Variants in SFI1 observed in about 807,000 individuals in gnomAD.
SFI1 encodes the protein SFI1 centrin binding protein.
In SFI1, 195 loss-of-function variants were observed where a neutral mutation model predicts 207.5. The ratio of observed to expected loss-of-function variants is 0.94; its 90% CI spans 0.84 to 1.06. The LOEUF (loss-of-function observed/expected upper bound fraction) is 1.06. Ranked by LOEUF, SFI1 falls within the 50% of genes least tolerant of loss-of-function variation. The pLI, the probability that SFI1 is intolerant of heterozygous loss-of-function variation, is 0.00. For missense variants in SFI1, 1,634 were observed against 1,588.0 expected, an observed-to-expected ratio of 1.03 and a Z score of -0.49; for synonymous variants, 630 against 598.9, an observed-to-expected ratio of 1.05 and a Z score of -0.76.
chr22:31,617,366 A>G lies in SFI1; in HGVS notation c.3512+288A>G, dbSNP rs368128527. 1.2e-4 allele frequency among the ~76,000 whole-genome samples: 18 copies of G among 151,950 alleles called. No homozygotes were observed. The East Asian group carries it at 2.1e-3, about 18-fold the overall frequency. On this transcript the variant is annotated intron_variant, in intron 31 of 32. Coordinates refer to ENST00000400288, the MANE Select transcript of SFI1 (RefSeq NM_001007467.3). ...GGGGGGGACGATAAAGTTGAGCAAA[A>G]CTCTAAAAACCCGATGAGGCCATGC... is the stretch of plus-strand genomic sequence containing the variant.
At chr22:31,567,373 C>T (rs146305904) in intron 8 of SFI1, among the ~76,000 whole-genome samples, 62 of 152,244 alleles carry the variant, frequency 4.1e-4, no homozygotes, top group African/African-American at 1.3e-3. Flanking sequence ...GGAGCCAGAA[C>T]GCAGGGCCTG....
At chr22:31,593,100 C>T (rs2066366980) in intron 15 of SFI1, among the ~76,000 whole-genome samples, 2 of 147,586 alleles carry the variant, frequency 1.4e-5, no homozygotes, top group Admixed American at 6.6e-5. Flanking sequence ...CCCCACCTCC[C>T]TCCCGGATGG....
chr22:31,553,538 T>A (rs1290749031), intron 6 of SFI1, among the ~76,000 whole-genome samples: 2 of 146,906 alleles, frequency 1.4e-5, no homozygotes, highest in African/African-American at 5.0e-5. Flanking sequence ...TATTTTTTTT[T>A]TTTTTTTTTT....
chr22:31,510,544 C>T (rs2055343789), intron 2 of SFI1, among the ~76,000 whole-genome samples: 1 of 152,088 alleles, frequency 6.6e-6, no homozygotes, highest in South Asian at 2.1e-4. Flanking sequence ...AGCAATTCTC[C>T]TGCCTCAGCC....
At chr22:31,611,049 T>C (rs2147244750) in intron 22 of SFI1, 94 bp from the exon 23 acceptor site, 1 of 1,538,226 alleles carries the variant, frequency 6.5e-7, no homozygotes, top group Non-Finnish European at 9.0e-7. Flanking sequence ...ACTCTATCCC[T>C]GCACAGCCAT....
At chr22:31,575,524 G>A in intron 10 of SFI1, 132 bp downstream of exon 10, 13 of 934,564 alleles carry the variant, frequency 1.4e-5, no homozygotes, top group Non-Finnish European at 1.9e-5. Context: ...TATCTCTGTT[G>A]ACAGTCTTAA....
chr22:31,578,285 A>T, intron 10 of SFI1, 97 bp from the exon 11 acceptor site: 1 of 1,213,046 alleles, frequency 8.2e-7, no homozygotes. Flanking sequence ...CACGTGTGTT[A>T]TCCCCGATAG....
intron 12 of SFI1, 46 bp from the exon 13 acceptor site, chr22:31,583,829 A>T: frequency 6.5e-7 from 1 of 1,539,184 alleles, no homozygotes. Context: ...TCACTGTTTT[A>T]CCTTTCATCT....
chr22:31,597,477 T>C (rs1050728066), intron 15 of SFI1, among the ~76,000 whole-genome samples: 1 of 152,202 alleles, frequency 6.6e-6, no homozygotes, highest in African/African-American at 2.4e-5. Flanking sequence ...TTCAGACCTA[T>C]GCTCTGTCGC....
chr22:31,614,682 T>G, intron 27 of SFI1, 107 bp from the exon 28 acceptor site: 12 of 1,347,382 alleles, frequency 8.9e-6, no homozygotes, highest in Non-Finnish European at 1.3e-5. Context: ...TGGCCTCGCC[T>G]TTCCTGACTT....
chr22:31,516,725 T>C (rs924388129), intron 2 of SFI1, among the ~76,000 whole-genome samples: 1 of 150,614 alleles, frequency 6.6e-6, no homozygotes, highest in Non-Finnish European at 1.5e-5. Flanking sequence ...GAGGCTGAGG[T>C]GGGCGGATCA....
chr22:31,523,489 C>T (rs1008378660), intron 2 of SFI1, among the ~76,000 whole-genome samples: 1 of 152,112 alleles, frequency 6.6e-6, no homozygotes, highest in Admixed American at 6.6e-5. Flanking sequence ...TGAAGTTGAG[C>T]CTGAAGAATA....
intron 21 of SFI1, 92 bp downstream of exon 21, chr22:31,606,522 G>A (rs774881088): frequency 4.5e-5 from 45 of 993,714 alleles, no homozygotes; most frequent in Admixed American, 2.6e-4. Flanking sequence ...CCAGAGATTT[G>A]AACTGAATAA....
intron 21 of SFI1, 116 bp downstream of exon 21, chr22:31,606,546 TG>T (rs1327947690): frequency 5.4e-6 from 4 of 738,760 alleles, no homozygotes; most frequent in African/African-American, 5.3e-5. Context: ...ACCTAGAAAA[TG>T]GGTAACTTTC....
intron 1 of SFI1, among the ~76,000 whole-genome samples, chr22:31,501,299 G>A (rs1486386525): frequency 6.6e-6 from 1 of 151,540 alleles, no homozygotes; most frequent in Non-Finnish European, 1.5e-5. Context: ...AGCCTCCCGA[G>A]TAGCTGGGAC....
In SFI1 at chr22:31,618,354, C is replaced by T. The variant is rs762898686; in HGVS notation, c.3665C>T (p.Ala1222Val). Reference protein sequence around the residue: ...QIQLLAEELQAQRQPIGACVA... With the variant: ...QIQLLAEELQVQRQPIGACVA... Reference sequence around the variant, plus strand: ...CAGCTGCTGGCAGAGGAGCTCCAGGCTCAGCGCCAGCCCATTGGCGCCTGC... The same window carrying T: ...CAGCTGCTGGCAGAGGAGCTCCAGGTTCAGCGCCAGCCCATTGGCGCCTGC... The change falls in exon 33 of 33, where the codon GCT becomes GTT. Residue 1222 changes from alanine (A) to valine (V), a missense_variant. Coordinates refer to ENST00000400288, the MANE Select transcript of SFI1 (RefSeq NM_001007467.3). The T allele has an allele frequency of 6.2e-7, 1 of 1,609,298 alleles. No homozygotes were observed. Among genetic ancestry groups the T allele is most frequent in the Non-Finnish European group, 8.5e-7 (1 of 1,177,208 alleles).
intron 2 of SFI1, among the ~76,000 whole-genome samples, 171 bp from the exon 3 acceptor site, chr22:31,528,519 A>G (rs2058155316): frequency 6.6e-6 from 1 of 152,172 alleles, no homozygotes; most frequent in South Asian, 2.1e-4. Flanking sequence ...ACCCACCTCT[A>G]GTGGTTGGCC....
chr22:31,585,801 A>G (rs1401490936), intron 14 of SFI1, among the ~76,000 whole-genome samples: 1 of 152,160 alleles, frequency 6.6e-6, no homozygotes, highest in Non-Finnish European at 1.5e-5. Context: ...TTTCAAGGCC[A>G]TATTTACACT....
At chr22:31,503,074 G>T (rs1386168351) in intron 1 of SFI1, among the ~76,000 whole-genome samples, 3 of 102,588 alleles carry the variant, frequency 2.9e-5, no homozygotes, top group Non-Finnish European at 6.3e-5. Context: ...AAAAAAAAAA[G>T]GTGTAACTGA....
Sources: gnomAD v4.1 joint callset for allele counts (sites outside exome capture counted in the v4.1 genomes callset) on GRCh38, gnomAD v4.1.1 for gene constraint, MANE v1.5 for transcripts, NCBI Gene and HGNC (gene_info 2026-07-23, HGNC 2026-07-21) for gene names.